COL4A1: variants seen among roughly 807,000 people sequenced by gnomAD.
COL4A1 encodes the protein collagen type IV alpha 1 chain.
A neutral mutation model predicts 216.6 loss-of-function variants in COL4A1; 40 were observed. The ratio of observed to expected loss-of-function variants is 0.18; its 90% CI spans 0.14 to 0.24. The LOEUF (loss-of-function observed/expected upper bound fraction) is 0.24, where lower values mean the gene tolerates loss of function less well. Ranked by LOEUF, COL4A1 falls within the 10% of genes least tolerant of loss-of-function variation. COL4A1 has a pLI of 1.00. For missense variants in COL4A1, 1,628 were observed against 2,196.8 expected (o/e 0.74, Z 5.18); for synonymous variants, 839 against 810.7 (o/e 1.03, Z -0.59).
chr13:110,203,063 A>G (rs1879319289), intron 18 of COL4A1, among the ~76,000 whole-genome samples: 1 of 152,118 alleles, frequency 6.6e-6, no homozygotes, highest in Non-Finnish European at 1.5e-5. Context: ...AAATACAAAA[A>G]TTAGCTGGGC....
chr13:110,220,172 ATG>A (rs1880405976), intron 2 of COL4A1, among the ~76,000 whole-genome samples: 1 of 151,912 alleles, frequency 6.6e-6, no homozygotes, highest in African/African-American at 2.4e-5. Context: ...TCCTAACCTC[ATG>A]TGATTTGTCC....
intron 1 of COL4A1, among the ~76,000 whole-genome samples, chr13:110,266,346 CCCG>C (rs1431917164): frequency 6.6e-6 from 1 of 152,210 alleles, no homozygotes; most frequent in Non-Finnish European, 1.5e-5. Context: ...CGTGTCACAA[CCCG>C]CCTGGAGTAG....
In COL4A1 at chr13:110,173,974, G is replaced by A. The variant is rs769021800; in HGVS notation, c.3431C>T (p.Thr1144Ile). 4 of 1,614,032 alleles carry A rather than the reference G, an allele frequency of 2.5e-6. No homozygotes were observed. Among genetic ancestry groups the A allele is most frequent in the Admixed American group, 1.7e-5 (1 of 60,008 alleles). ...CTCCCCTTTCTGGCCAGCTGGGCCT[G>A]TGGGGCCAGGAGTCCCAGGAAGACC... ...EAGLPGTPGPTGPAGQKGEPG... is the reference protein window; with the variant it reads ...EAGLPGTPGPIGPAGQKGEPG... Residue 1144 changes from threonine to isoleucine, a missense_variant, in exon 40 of 52, where the codon ACA (threonine) becomes ATA (isoleucine). Around this residue, in one of 8 missense-constraint regions of COL4A1, gnomAD observed 345 missense variants for 476.9 expected, o/e 0.72. Coordinates refer to ENST00000375820, the MANE Select transcript of COL4A1 (RefSeq NM_001845.6).
intron 1 of COL4A1, among the ~76,000 whole-genome samples, chr13:110,286,354 A>G (rs1883844185): frequency 6.6e-6 from 1 of 152,166 alleles, no homozygotes; most frequent in Admixed American, 6.5e-5. Flanking sequence ...CAGGCAGAGT[A>G]GGAGGGCTGA....
intron 2 of COL4A1, among the ~76,000 whole-genome samples, chr13:110,238,461 T>C (rs533514953): frequency 1.6e-4 from 24 of 152,352 alleles, no homozygotes; most frequent in Middle Eastern, 3.4e-3. Context: ...ACCTAGTCTA[T>C]ATCTAAGCAA....
Position 110,207,037 on chromosome 13 carries a change from C to T in COL4A1, c.781-146G>A. The stretch of plus-strand genomic sequence containing the variant: ...ATGTTGATCTCCAGCACTCACTTGA[C>T]ATTGACTGGTATAAATGTAAGCAGG... On this transcript the variant is annotated intron_variant, in intron 13 of 51. Coordinates refer to ENST00000375820, the MANE Select transcript of COL4A1 (RefSeq NM_001845.6). The surrounding 1 kb of genome is among the most constrained non-coding windows in gnomAD (Gnocchi z 4.4). 1 of 880,124 alleles carries T rather than the reference C, an allele frequency of 1.1e-6. No homozygotes were observed. The highest frequency in any genetic ancestry group is 1.8e-6 in the Non-Finnish European group (1 of 548,514). 54.5% of individuals were successfully genotyped at this position (880,124 alleles called of 1,614,324 possible).
chr13:110,160,901 G>T (rs1877051901), intron 49 of COL4A1: 1 of 411,556 alleles, frequency 2.4e-6, no homozygotes. Context: ...TGGAGATGAA[G>T]TCTCGTCATC....
chr13:110,278,686 A>G (rs1237038738), intron 1 of COL4A1, among the ~76,000 whole-genome samples: 1 of 152,148 alleles, frequency 6.6e-6, no homozygotes, highest in African/African-American at 2.4e-5. Flanking sequence ...GATTGATTTC[A>G]TAACTGATTT....
chr13:110,201,237 GAGA>G (rs141748531), intron 19 of COL4A1, among the ~76,000 whole-genome samples, 198 bp downstream of exon 19: 163 of 147,764 alleles, frequency 1.1e-3, no homozygotes, highest in East Asian at 5.8e-3. Context: ...GGGAGAGAGA[GAGA>G]AGGAGGAGGA....
At chr13:110,242,843 CCT>C in intron 1 of COL4A1, 109 bp from the exon 2 acceptor site, 1 of 1,221,612 alleles carries the variant, frequency 8.2e-7, no homozygotes, top group East Asian at 2.3e-5. Context: ...CGAAGCCTGC[CCT>C]GTCCTTCGGA....
chr13:110,242,338 G>A (rs61963301), intron 2 of COL4A1, among the ~76,000 whole-genome samples: 18,124 of 152,098 alleles, frequency 0.12, 1,332 homozygotes, highest in Non-Finnish European at 0.17. Flanking sequence ...TTCTTTTTCC[G>A]GAAAAATGTT....
At chr13:110,170,785 A>C in intron 41 of COL4A1, 53 bp from the exon 42 acceptor site, 1 of 1,592,292 alleles carries the variant, frequency 6.3e-7, no homozygotes, top group Non-Finnish European at 8.6e-7. Flanking sequence ...CAGAACAGTA[A>C]TCTCCAGCGT....
At position 110,184,430 on chromosome 13, in the gene COL4A1, G is replaced by C. The variant is rs867841200; in HGVS notation, c.1898-1154C>G. 5.3e-4 allele frequency among the ~76,000 whole-genome samples: 81 copies of C among 152,312 alleles called. 1 individual carries two copies. Among genetic ancestry groups the C allele is most frequent in the African/African-American group, 1.9e-3 (79 of 41,570 alleles). The stretch of plus-strand genomic sequence containing the variant: ...AGGGAAAGTGATCGGAAGTCCCTAT[G>C]CCTGGCTCACCGAAGTCCTCCTCCA... On this transcript the variant is annotated intron_variant, in intron 26 of 51. Transcript: ENST00000375820.
chr13:110,219,172 C>T (rs1594592786), intron 2 of COL4A1, among the ~76,000 whole-genome samples: 1 of 152,166 alleles, frequency 6.6e-6, no homozygotes, highest in Admixed American at 6.5e-5. Context: ...GGAATACTGC[C>T]ACCACAGTTT....
chr13:110,221,317 C>T (rs1258756207), intron 2 of COL4A1, among the ~76,000 whole-genome samples: 1 of 152,138 alleles, frequency 6.6e-6, no homozygotes, highest in African/African-American at 2.4e-5. Flanking sequence ...CCACTTTGCA[C>T]ATCAGCTTAA....
Position 110,198,603 on chromosome 13 carries a change from G to T in COL4A1, c.1149C>A (p.Ala383=). 6.2e-7 allele frequency: 1 copy of T among 1,614,002 alleles called. No homozygotes were observed. The highest frequency in any genetic ancestry group is 1.1e-5 in the South Asian group (1 of 91,080). The change falls in exon 21 of 52, where the codon GCC becomes GCA. Residue 383 remains alanine (A), a synonymous_variant. Coordinates refer to ENST00000375820, the MANE Select transcript of COL4A1 (RefSeq NM_001845.6). ...PGLPVPGQAG[A]PGFPGERGEK... is the part of the protein sequence containing the mutation. ...CTCCTCTTTCACCAGGGAAGCCAGG[G>T]GCACCAGCCTGCCCAGGTACAGGGA...
intron 1 of COL4A1, among the ~76,000 whole-genome samples, chr13:110,297,538 T>C (rs1884324023): frequency 6.6e-6 from 1 of 152,202 alleles, no homozygotes; most frequent in Non-Finnish European, 1.5e-5. Context: ...ATTAATTTTA[T>C]TATTAAAATC....
At chr13:110,235,372 C>T (rs1013708881) in intron 2 of COL4A1, among the ~76,000 whole-genome samples, 9 of 152,056 alleles carry the variant, frequency 5.9e-5, no homozygotes, top group East Asian at 1.9e-4. Context: ...AAGAAGATGC[C>T]GGGCGCAGTG....
chr13:110,289,827 C>A (rs1019298916), intron 1 of COL4A1, among the ~76,000 whole-genome samples: 1 of 152,118 alleles, frequency 6.6e-6, no homozygotes, highest in Non-Finnish European at 1.5e-5. Context: ...GTGGCTGGCA[C>A]GGACCACCGC....
Sources: gnomAD v4.1 joint callset for allele counts (sites outside exome capture counted in the v4.1 genomes callset) on GRCh38, gnomAD v4.1.1 for gene constraint, gnomAD v4.1.1 regional missense constraint, Gnocchi (gnomAD v3.1) non-coding constraint, MANE v1.5 for transcripts, NCBI Gene and HGNC (gene_info 2026-07-23, HGNC 2026-07-21) for gene names.